The following SCFD2 variants were observed in gnomAD, a reference collection of about 807,000 sequenced individuals.
SCFD2 encodes sec1 family domain containing 2.
In SCFD2, 54 loss-of-function variants were observed where a neutral mutation model predicts 58.9. The ratio of observed to expected loss-of-function variants is 0.92; its 90% CI spans 0.74 to 1.15. The LOEUF (loss-of-function observed/expected upper bound fraction) is 1.15, where lower values mean the gene tolerates loss of function less well. Among genes scored for constraint, SCFD2 ranks in the 50% most tolerant of loss-of-function variants. SCFD2 has a pLI of 0.00. For missense variants in SCFD2, 805 were observed against 836.6 expected (o/e 0.96, Z 0.47); for synonymous variants, 321 against 335.9 (o/e 0.96, Z 0.49).
At chr4:53,225,970 T>A (rs1729199930) in intron 4 of SCFD2, among the ~76,000 whole-genome samples, 2 of 152,194 alleles carry the variant, frequency 1.3e-5, no homozygotes, top group South Asian at 2.1e-4. Flanking sequence ...TTAATTTTTT[T>A]AAATTTAACA....
intron 4 of SCFD2, among the ~76,000 whole-genome samples, chr4:53,235,569 TA>T (rs2149013377): frequency 6.6e-6 from 1 of 152,252 alleles, no homozygotes; most frequent in South Asian, 2.1e-4. Flanking sequence ...AAACGAGAAG[TA>T]AATATAAAAC....
At chr4:53,003,999 G>A (rs561820338) in intron 5 of SCFD2, among the ~76,000 whole-genome samples, 61 of 152,308 alleles carry the variant, frequency 4.0e-4, no homozygotes, top group Middle Eastern at 6.8e-3. Context: ...TGCAATAAAT[G>A]TCTGAAATAG....
At chr4:53,201,745 T>C (rs1728247138) in intron 4 of SCFD2, among the ~76,000 whole-genome samples, 1 of 152,210 alleles carries the variant, frequency 6.6e-6, no homozygotes. Context: ...TATCTCATTG[T>C]GGTTTTGATT....
intron 4 of SCFD2, among the ~76,000 whole-genome samples, chr4:53,201,298 G>C (rs1222554697): frequency 6.6e-6 from 1 of 151,804 alleles, no homozygotes; most frequent in East Asian, 1.9e-4. Context: ...CCTTGCCATA[G>C]TTTGCTGAGA....
At chr4:53,241,752 TC>T (rs1042056616) in intron 4 of SCFD2, among the ~76,000 whole-genome samples, 1 of 152,110 alleles carries the variant, frequency 6.6e-6, no homozygotes, top group African/African-American at 2.4e-5. Context: ...GTTCACTCCC[TC>T]CCCCTCCTCC....
At chr4:52,893,079 T>C (rs1718915859) in intron 7 of SCFD2, among the ~76,000 whole-genome samples, 1 of 152,156 alleles carries the variant, frequency 6.6e-6, no homozygotes, top group East Asian at 1.9e-4. Flanking sequence ...TTCCAGGACT[T>C]GTACTCATTT....
intron 5 of SCFD2, among the ~76,000 whole-genome samples, chr4:53,072,551 G>T (rs1190268989): frequency 6.6e-6 from 1 of 151,772 alleles, no homozygotes; most frequent in Admixed American, 6.6e-5. Flanking sequence ...ACCAGGCAAA[G>T]AACCCAGAGA....
rs551824172 is a variant in SCFD2, at chr4:53,272,287, G to A, written c.1311+1539C>T. ...ACTAGTGCAACCATTGTGGAAGTTG[G>A]TGTGGCAATTCCTCAGGGATCTAGA... On this transcript the variant is annotated intron_variant, in intron 4 of 8. Coordinates refer to ENST00000401642, the MANE Select transcript of SCFD2 (RefSeq NM_152540.4). Among the ~76,000 whole-genome samples, 4 of 152,092 alleles carry A rather than the reference G, an allele frequency of 2.6e-5. No homozygotes were observed. In the South Asian group the frequency reaches 8.3e-4, roughly 32 times the overall value.
intron 2 of SCFD2, 136 bp from the exon 3 acceptor site, chr4:53,313,899 G>T (rs192966507): frequency 1.5e-6 from 1 of 667,362 alleles, no homozygotes; most frequent in East Asian, 2.9e-5. Context: ...TAAGTATTAG[G>T]ATTAAATAAA....
intron 3 of SCFD2, among the ~76,000 whole-genome samples, chr4:53,290,215 G>A (rs984661293): frequency 2.0e-5 from 3 of 152,092 alleles, no homozygotes; most frequent in African/African-American, 7.2e-5. Context: ...TACACTATAT[G>A]TGAGGCCACA....
At chr4:53,274,764 C>T (rs1731278234) in intron 3 of SCFD2, among the ~76,000 whole-genome samples, 4 of 152,172 alleles carry the variant, frequency 2.6e-5, no homozygotes, top group Admixed American at 6.5e-5. Flanking sequence ...CACCGAGTCT[C>T]CTCCCACTCT....
intron 4 of SCFD2, among the ~76,000 whole-genome samples, chr4:53,237,976 C>T (rs1328561415): frequency 1.7e-4 from 18 of 105,568 alleles, no homozygotes; most frequent in African/African-American, 2.3e-4. Context: ...ACCTCCCTCC[C>T]GGACGGGGCG....
chr4:53,291,038 C>A (rs905522062), intron 3 of SCFD2, among the ~76,000 whole-genome samples: 1 of 152,046 alleles, frequency 6.6e-6, no homozygotes. Context: ...ATTACCAATA[C>A]CTCTTAAGCC....
At position 53,225,838 on chromosome 4, in the gene SCFD2, T is replaced by C. The variant is rs143600240; in HGVS notation, c.1311+47988A>G. ...TCTAAACCACTAAGCCATACTATTA[T>C]CAAATTTGGTGGCTTTCCCCCTTTG... is the stretch of plus-strand genomic sequence containing the variant. On this transcript the variant is annotated intron_variant, in intron 4 of 8. Transcript: ENST00000401642. Among the ~76,000 whole-genome samples the C allele has an allele frequency of 2.9e-3, 441 of 152,358 alleles. 1 individual carries two copies. The highest frequency in any genetic ancestry group is 0.01 in the African/African-American group (418 of 41,582).
chr4:53,202,161 C>A (rs967768531), intron 4 of SCFD2, among the ~76,000 whole-genome samples: 1 of 151,976 alleles, frequency 6.6e-6, no homozygotes, highest in Non-Finnish European at 1.5e-5. Context: ...GGTTTTAGGT[C>A]TAACATGTAA....
chr4:52,960,089 C>T (rs1314158522), intron 5 of SCFD2, among the ~76,000 whole-genome samples: 2 of 151,982 alleles, frequency 1.3e-5, no homozygotes, highest in Non-Finnish European at 2.9e-5. Context: ...TAAAAATGTC[C>T]CTCTCACCCT....
intron 2 of SCFD2, among the ~76,000 whole-genome samples, chr4:53,340,145 C>T (rs894444035): frequency 2.6e-5 from 4 of 151,992 alleles, no homozygotes; most frequent in Non-Finnish European, 5.9e-5. Flanking sequence ...GCCCACCGAG[C>T]GACAGCCAAA....
At chr4:53,158,299 A>G (rs1726750233) in intron 4 of SCFD2, among the ~76,000 whole-genome samples, 1 of 152,216 alleles carries the variant, frequency 6.6e-6, no homozygotes, top group Non-Finnish European at 1.5e-5. Context: ...ACGTAAATAC[A>G]TATCTCCAGC....
chr4:53,310,798 T>C (rs1408970564), intron 3 of SCFD2, among the ~76,000 whole-genome samples: 1 of 152,212 alleles, frequency 6.6e-6, no homozygotes, highest in Non-Finnish European at 1.5e-5. Context: ...TACCTTGTAC[T>C]GAGAAATTTT....
Sources: gnomAD v4.1 joint callset for allele counts (sites outside exome capture counted in the v4.1 genomes callset) on GRCh38, gnomAD v4.1.1 for gene constraint, MANE v1.5 for transcripts, NCBI Gene and HGNC (gene_info 2026-07-23, HGNC 2026-07-21) for gene names.